Variants in PSTPIP2 observed in about 807,000 individuals in gnomAD.
PSTPIP2 encodes the protein proline-serine-threonine phosphatase interacting protein 2.
In PSTPIP2, 33 loss-of-function variants were observed where a neutral mutation model predicts 63.3. That is an observed-to-expected ratio of 0.52 (90% CI 0.40 to 0.70). The LOEUF is 0.70. PSTPIP2 is among the 30% of genes least tolerant of loss of function. The pLI is 0.00. For missense variants in PSTPIP2, 312 were observed against 400.7 expected, an observed-to-expected ratio of 0.78 and a Z score of 1.89; for synonymous variants, 125 against 132.7, an observed-to-expected ratio of 0.94 and a Z score of 0.40.
intron 1 of PSTPIP2, among the ~76,000 whole-genome samples, chr18:46,048,502 C>A (rs1486151220): frequency 6.6e-6 from 1 of 152,176 alleles, no homozygotes; most frequent in African/African-American, 2.4e-5. Flanking sequence ...GTTAACACCA[C>A]CAAGTAATAG....
chr18:46,008,416 A>G (rs913984937), intron 5 of PSTPIP2, among the ~76,000 whole-genome samples: 9 of 112,678 alleles, frequency 8.0e-5, no homozygotes, highest in African/African-American at 3.1e-4. Flanking sequence ...GTTTCAAGCA[A>G]TTCTCCTGCC....
chr18:46,023,831 T>TA (rs1014877290), intron 3 of PSTPIP2, among the ~76,000 whole-genome samples: 5 of 151,720 alleles, frequency 3.3e-5, no homozygotes, highest in African/African-American at 7.3e-5. Flanking sequence ...CTCTTGCTTT[T>TA]AAAAAACACA....
intron 3 of PSTPIP2, among the ~76,000 whole-genome samples, chr18:46,020,706 G>A (rs1907315449): frequency 1.3e-5 from 2 of 152,084 alleles, no homozygotes; most frequent in African/African-American, 4.8e-5. Context: ...TCATGTCATG[G>A]GGTGACAAAA....
intron 2 of PSTPIP2, among the ~76,000 whole-genome samples, chr18:46,038,801 C>T (rs1440492777): frequency 1.3e-5 from 2 of 152,174 alleles, no homozygotes; most frequent in Non-Finnish European, 2.9e-5. Context: ...GGAGACAGGC[C>T]TCACCACCCA....
chr18:46,022,447 T>G (rs1907399158), intron 3 of PSTPIP2, among the ~76,000 whole-genome samples: 1 of 152,134 alleles, frequency 6.6e-6, no homozygotes, highest in African/African-American at 2.4e-5. Flanking sequence ...GGAAAGTATG[T>G]TATGTGGTTA....
chr18:46,006,175 T>C (rs533136734), intron 5 of PSTPIP2, among the ~76,000 whole-genome samples: 52 of 151,788 alleles, frequency 3.4e-4, no homozygotes, highest in African/African-American at 1.3e-3. Flanking sequence ...TGCCTCAGCC[T>C]CCAGAGTAGC....
chr18:45,986,095 C>A (rs757657833), intron 14 of PSTPIP2, among the ~76,000 whole-genome samples: 9 of 152,066 alleles, frequency 5.9e-5, no homozygotes, highest in Non-Finnish European at 8.8e-5. Flanking sequence ...AATTTATTTT[C>A]CAAAAGTTCA....
chr18:46,027,373 A>G (rs1002085233), intron 2 of PSTPIP2, among the ~76,000 whole-genome samples: 24 of 151,778 alleles, frequency 1.6e-4, no homozygotes, highest in African/African-American at 5.3e-4. Context: ...TTTAAAGAAT[A>G]AGACCATATG....
intron 1 of PSTPIP2, among the ~76,000 whole-genome samples, chr18:46,064,539 A>T (rs1275422610): frequency 1.4e-5 from 2 of 144,188 alleles, no homozygotes; most frequent in Non-Finnish European, 3.0e-5. Context: ...ACCTCAGGTG[A>T]TTCACCCGCC....
In PSTPIP2 at chr18:46,061,863, G is replaced by A. The variant is rs1176300723; in HGVS notation, c.33+10293C>T. Among the ~76,000 whole-genome samples the A allele has an allele frequency of 1.3e-5, 2 of 152,208 alleles. 1 individual carries two copies. Among genetic ancestry groups the A allele is most frequent in the Admixed American group, 1.3e-4 (2 of 15,288 alleles). On this transcript the variant is annotated intron_variant, in intron 1 of 14. Transcript: ENST00000409746. Reference sequence around the variant, plus strand: ...AAGGGCTCAGAGCAGATTACAAGAGGTGGGGCCACCAAGGTTTGAAGCAGT... The same window carrying A: ...AAGGGCTCAGAGCAGATTACAAGAGATGGGGCCACCAAGGTTTGAAGCAGT...
At chr18:45,996,663 G>A (rs956640121) in intron 9 of PSTPIP2, among the ~76,000 whole-genome samples, 3 of 151,978 alleles carry the variant, frequency 2.0e-5, no homozygotes, top group Non-Finnish European at 4.4e-5. Context: ...AGGCATGGTG[G>A]CTCATGCCTG....
Position 46,005,513 on chromosome 18 carries a change from C to T in PSTPIP2, c.373G>A (p.Ala125Thr). 1 of 1,598,302 alleles carries T rather than the reference C, an allele frequency of 6.3e-7. No individual in the cohort carries two copies. The highest frequency in any genetic ancestry group is 8.6e-7 in the Non-Finnish European group (1 of 1,167,024). The change falls in exon 6 of 15, where the codon GCT becomes ACT. Residue 125 changes from alanine (A) to threonine (T), a missense_variant. Coordinates refer to ENST00000409746, the MANE Select transcript of PSTPIP2 (RefSeq NM_024430.4). ...QRKKTELIMDAIHKQKSLQFK... is the reference protein window; with the variant it reads ...QRKKTELIMDTIHKQKSLQFK... ...TGTAAGCTCTTTTGTTTATGGATAG[C>T]ATCCATTATGAGCTCTGTCTGTAAA...
intron 3 of PSTPIP2, among the ~76,000 whole-genome samples, chr18:46,022,710 G>A (rs1178241431): frequency 6.6e-6 from 1 of 152,182 alleles, no homozygotes; most frequent in Admixed American, 6.5e-5. Context: ...CCTTGTGTAA[G>A]ACGGAGTGTA....
intron 2 of PSTPIP2, chr18:46,029,757 T>C (rs563295041): frequency 5.3e-5 from 31 of 582,036 alleles, no homozygotes; most frequent in Admixed American, 1.9e-4. Flanking sequence ...AAAAGAAAAC[T>C]ATTTCTCATG....
rs640998 is a variant in PSTPIP2 at position 46,007,614 on chromosome 18, T to C, written c.355-2083A>G. On this transcript the variant is annotated intron_variant, in intron 5 of 14. Transcript: ENST00000409746. ...CAACGTTGGTCTATTCCAAAGTCTT[T>C]TCTAGTCTGAATATACATATGGCCA... 5.3e-3 allele frequency among the ~76,000 whole-genome samples: 803 copies of C among 152,324 alleles called. 7 individuals are homozygous for C. Among genetic ancestry groups the C allele is most frequent in the Middle Eastern group, 0.014 (4 of 294 alleles).
intron 10 of PSTPIP2, among the ~76,000 whole-genome samples, chr18:45,992,898 G>C (rs1166198568): frequency 6.6e-6 from 1 of 151,690 alleles, no homozygotes; most frequent in African/African-American, 2.4e-5. Flanking sequence ...AATTTTTTTT[G>C]CATTTTTAGT....
At chr18:46,034,847 C>T (rs1265480980) in intron 2 of PSTPIP2, among the ~76,000 whole-genome samples, 1 of 152,152 alleles carries the variant, frequency 6.6e-6, no homozygotes, top group Non-Finnish European at 1.5e-5. Context: ...ATATACAAAA[C>T]ACACTGTAGC....
At position 46,011,193 on chromosome 18, in the gene PSTPIP2, T is replaced by C; in HGVS notation, c.342A>G (p.Leu114=). The C allele has an allele frequency of 4.3e-6, 7 of 1,613,380 alleles. No homozygotes were observed. The highest frequency in any genetic ancestry group is 5.9e-6 in the Non-Finnish European group (7 of 1,179,302). ...ATGCAAATCCAACCTTTTTTCGTTG[T>C]AGTTTTTGCTTTTCCCTGAATTCTT... The part of the protein sequence containing the change: ...KMEEFREKQK[L]QRKKTELIMD... The change falls in exon 5 of 15, where the codon CTA becomes CTG. Residue 114 remains leucine, a synonymous_variant. Transcript: ENST00000409746.
Position 46,024,655 on chromosome 18 carries a change from G to A in PSTPIP2, c.166C>T (p.Leu56=), listed in dbSNP as rs1382212521. The change falls in exon 3 of 15, where the codon CTG becomes TTG. Residue 56 remains leucine (L), a synonymous_variant. Transcript: ENST00000409746. ...AAIEERYGKD[L]LNLSRKKPCG... ...GGCTTCTTCCTAGAGAGGTTGAGCA[G>A]ATCTTTGCCATACCTCTCTTCAATT... 6.2e-7 allele frequency: 1 copy of A among 1,614,008 alleles called. No individual in the cohort carries two copies. The highest frequency in any genetic ancestry group is 8.5e-7 in the Non-Finnish European group (1 of 1,179,968).
Sources: allele counts gnomAD v4.1 joint callset (sites outside exome capture counted in the v4.1 genomes callset), GRCh38; gene constraint gnomAD v4.1.1; transcripts MANE v1.5; gene names NCBI Gene and HGNC (gene_info 2026-07-23, HGNC 2026-07-21).